Variants in SUPT16H observed in about 807,000 individuals in gnomAD.
The protein encoded by SUPT16H is FACT complex subunit SPT16.
In SUPT16H, 24 loss-of-function variants were observed where a neutral mutation model predicts 136.2. The ratio of observed to expected loss-of-function variants is 0.18; its 90% confidence interval spans 0.13 to 0.25. The LOEUF (loss-of-function observed/expected upper bound fraction) is 0.25, where lower values mean the gene tolerates loss of function less well. Ranked by LOEUF, SUPT16H falls within the 10% of genes least tolerant of loss-of-function variation. SUPT16H has a pLI of 1.00. For missense variants in SUPT16H, 623 were observed against 1,270.2 expected (o/e 0.49, Z 7.74); for synonymous variants, 415 against 428.2 (o/e 0.97, Z 0.38).
At chr14:21,362,346 A>G in intron 14 of SUPT16H, 22 bp from the exon 15 acceptor site, 3 of 1,599,284 alleles carry the variant, frequency 1.9e-6, no homozygotes, top group Non-Finnish European at 1.7e-6. Flanking sequence ...AAAAGCATAA[A>G]AAGTAAACAG....
intron 8 of SUPT16H, 111 bp from the exon 9 acceptor site, chr14:21,365,254 G>C (rs942397283): frequency 9.8e-7 from 1 of 1,015,602 alleles, no homozygotes; most frequent in Non-Finnish European, 1.5e-6. Flanking sequence ...TGTTTGAAAT[G>C]ATTTACCCCT....
In SUPT16H at chr14:21,354,462, A is replaced by T; in HGVS notation, c.2739T>A (p.Pro913=). Residue 913 remains proline (P), a synonymous_variant, in exon 23 of 26, where the codon CCT becomes CCA. Coordinates refer to ENST00000216297, the MANE Select transcript of SUPT16H (RefSeq NM_007192.4). Reference sequence around the variant, plus strand: ...AGCCACCTTGTTCGAAGAAGCCCTCAGGGTCATCAACAATGGTCTTCATGA... The same window carrying T: ...AGCCACCTTGTTCGAAGAAGCCCTCTGGGTCATCAACAATGGTCTTCATGA... ...TKIMKTIVDD[P]EGFFEQGGWS... 6.2e-7 allele frequency: 1 copy of T among 1,614,208 alleles called. No homozygotes were observed. The highest frequency in any genetic ancestry group is 8.5e-7 in the Non-Finnish European group (1 of 1,180,004).
chr14:21,361,492 T>C (rs188137915), intron 15 of SUPT16H, among the ~76,000 whole-genome samples: 3 of 152,036 alleles, frequency 2.0e-5, no homozygotes, highest in Admixed American at 2.0e-4. Context: ...AGTTTTTGTA[T>C]TTTTAGCAGA....
chr14:21,364,696 T>A, intron 10 of SUPT16H, 131 bp downstream of exon 10: 1 of 692,654 alleles, frequency 1.4e-6, no homozygotes, highest in Non-Finnish European at 2.5e-6. Context: ...CCTAGCTGCA[T>A]TAGGTTAGGC....
Position 21,369,868 on chromosome 14 carries a change from G to A in SUPT16H, c.512C>T (p.Thr171Ile), listed in dbSNP as rs1235655027. The change falls in exon 5 of 26, where the codon ACC becomes ATC. Residue 171 changes from threonine (T) to isoleucine (I), a missense_variant. This residue lies in a region of SUPT16H where 343 missense variants were observed against 525.7 expected (regional missense o/e 0.65). Transcript: ENST00000216297. ...CTCCCCATCCTCCTTTACAGCGATGGTATATGCCACAACTGCACTGATATC... is the reference window on the plus strand; with the variant it reads ...CTCCCCATCCTCCTTTACAGCGATGATATATGCCACAACTGCACTGATATC... The part of the protein sequence containing the change: ...KIDISAVVAY[T>I]IAVKEDGELN... 1 of 1,614,140 alleles carries A rather than the reference G, an allele frequency of 6.2e-7. No individual in the cohort carries two copies. The highest frequency in any genetic ancestry group is 8.5e-7 in the Non-Finnish European group (1 of 1,180,014).
intron 8 of SUPT16H, 52 bp downstream of exon 8, chr14:21,366,387 G>A (rs1886667301): frequency 6.5e-7 from 1 of 1,536,204 alleles, no homozygotes; most frequent in Non-Finnish European, 9.0e-7. Flanking sequence ...ACTGACCACT[G>A]ACAGTCTAAC....
intron 1 of SUPT16H, among the ~76,000 whole-genome samples, chr14:21,374,359 TAA>T (rs1285352897): frequency 6.6e-6 from 1 of 152,248 alleles, no homozygotes; most frequent in East Asian, 1.9e-4. Context: ...CTTTATTTTT[TAA>T]AAAAGTTTTA....
At position 21,369,863 on chromosome 14, in the gene SUPT16H, C is replaced by A. The variant is rs764567155; in HGVS notation, c.517G>T (p.Ala173Ser). ...DISAVVAYTI[A>S]VKEDGELNLM... The stretch of plus-strand genomic sequence containing the variant: ...TTGAGCTCCCCATCCTCCTTTACAG[C>A]GATGGTATATGCCACAACTGCACTG... Residue 173 changes from alanine to serine, a missense_variant, in exon 5 of 26, where the codon GCT becomes TCT. Ala to Ser is a moderately conservative substitution (Grantham distance 99, BLOSUM62 1). Transcript: ENST00000216297. 2.6e-5 allele frequency: 42 copies of A among 1,613,996 alleles called. No individual in the cohort carries two copies. In the African/African-American group the frequency reaches 4.1e-4, roughly 16 times the overall value.
chr14:21,356,308 A>G (rs1243972632), intron 22 of SUPT16H, among the ~76,000 whole-genome samples: 1 of 152,186 alleles, frequency 6.6e-6, no homozygotes, highest in African/African-American at 2.4e-5. Context: ...GACAACTCCC[A>G]ATCTCACACA....
At chr14:21,362,389 T>C (rs1012453945) in intron 14 of SUPT16H, 65 bp from the exon 15 acceptor site, 2 of 1,523,664 alleles carry the variant, frequency 1.3e-6, no homozygotes, top group Non-Finnish European at 1.8e-6. Context: ...GTTACAGAGA[T>C]GTTAAAATTA....
chr14:21,367,638 T>C (rs1403509265), intron 7 of SUPT16H, among the ~76,000 whole-genome samples: 1 of 152,226 alleles, frequency 6.6e-6, no homozygotes, highest in East Asian at 1.9e-4. Context: ...GTATATATCC[T>C]GTAGGTAGAG....
At position 21,357,432 on chromosome 14, in the gene SUPT16H, A is replaced by G. The variant is rs1225562175; in HGVS notation, c.2491-66T>C. 12 of 1,429,632 alleles carry G rather than the reference A, an allele frequency of 8.4e-6. No homozygotes were observed. In the East Asian group the frequency reaches 2.7e-4, roughly 33 times the overall value. 88.6% of individuals were successfully genotyped at this position (1,429,632 alleles called of 1,614,324 possible). ...CCCCAAAGCAATAATATTTCAAATAACTTTCATGATCTAAATCACTACATA... is the reference window on the plus strand; with the variant it reads ...CCCCAAAGCAATAATATTTCAAATAGCTTTCATGATCTAAATCACTACATA... On this transcript the variant is annotated intron_variant, in intron 21 of 25. Coordinates refer to ENST00000216297, the MANE Select transcript of SUPT16H (RefSeq NM_007192.4).
chr14:21,363,636 A>ATC, intron 10 of SUPT16H, 133 bp from the exon 11 acceptor site: 4 of 777,440 alleles, frequency 5.1e-6, no homozygotes, highest in Non-Finnish European at 8.3e-6. Flanking sequence ...TATAGTTTTT[A>ATC]TCCTTCTAAC....
intron 12 of SUPT16H, 26 bp from the exon 13 acceptor site, chr14:21,363,175 C>T (rs776696641): frequency 2.5e-6 from 4 of 1,613,806 alleles, no homozygotes; most frequent in Non-Finnish European, 3.4e-6. Context: ...TCCAATTTAT[C>T]ACAACACGTG....
chr14:21,383,341 G>A (rs1342720210), intron 1 of SUPT16H: 1 of 438,402 alleles, frequency 2.3e-6, no homozygotes, highest in Non-Finnish European at 4.1e-6. Context: ...AACATGAGGC[G>A]GTTGCGCGTG....
At chr14:21,352,938 GCAAGTACTT>G in intron 25 of SUPT16H, 120 bp from the exon 26 acceptor site, 2 of 1,319,806 alleles carry the variant, frequency 1.5e-6, no homozygotes, top group Non-Finnish European at 2.1e-6. Context: ...TTAATATTGG[GCAAGTACTT>G]TCTGAACCTT....
intron 6 of SUPT16H, among the ~76,000 whole-genome samples, chr14:21,368,881 T>G (rs1886728051): frequency 6.6e-6 from 1 of 151,992 alleles, no homozygotes; most frequent in Admixed American, 6.6e-5. Flanking sequence ...TACATGGAGA[T>G]AGGGAAAAAA....
intron 7 of SUPT16H, 144 bp from the exon 8 acceptor site, chr14:21,366,673 A>C (rs1886675849): frequency 3.3e-6 from 2 of 609,430 alleles, no homozygotes; most frequent in Non-Finnish European, 5.7e-6. Context: ...TTTTTGAGAC[A>C]AGGTCTCACT....
chr14:21,366,681 ACT>A (rs200181048), intron 7 of SUPT16H, 152 bp from the exon 8 acceptor site: 3 of 635,732 alleles, frequency 4.7e-6, no homozygotes, highest in African/African-American at 1.9e-5. Flanking sequence ...ACAAGGTCTC[ACT>A]CTGTCACTCA....
Sources: gnomAD v4.1 joint callset for allele counts (sites outside exome capture counted in the v4.1 genomes callset) on GRCh38, gnomAD v4.1.1 for gene constraint, gnomAD v4.1.1 regional missense constraint, MANE v1.5 for transcripts, NCBI Gene and HGNC (gene_info 2026-07-23, HGNC 2026-07-21) for gene names.